Variants in ZBTB20 observed in about 807,000 individuals in gnomAD.
ZBTB20 encodes the protein zinc finger and BTB domain-containing protein 20.
In ZBTB20, 9 loss-of-function variants were observed where a neutral mutation model predicts 56.9. The observed-to-expected ratio is 0.16, with a 90% confidence interval of 0.10 to 0.28. The LOEUF (loss-of-function observed/expected upper bound fraction) is 0.28. Ranked by LOEUF, ZBTB20 falls within the 10% of genes least tolerant of loss-of-function variation. ZBTB20 has a pLI of 1.00. For missense variants in ZBTB20, 655 were observed against 1,003.0 expected (o/e 0.65, Z 4.69); for synonymous variants, 417 against 420.7 (o/e 0.99, Z 0.11).
intron 10 of ZBTB20, among the ~76,000 whole-genome samples, chr3:114,370,455 G>A (rs1045954613): frequency 6.6e-6 from 1 of 152,022 alleles, no homozygotes; most frequent in South Asian, 2.1e-4. Flanking sequence ...TCTCTCCCTC[G>A]TTGGTGTCTG....
chr3:114,594,291 A>T (rs1244077269), intron 6 of ZBTB20, among the ~76,000 whole-genome samples: 2 of 139,918 alleles, frequency 1.4e-5, no homozygotes, highest in African/African-American at 5.4e-5. Flanking sequence ...TTTTTGAGAT[A>T]GAGTCTTGCT....
chr3:114,419,130 T>G (rs1194868689), intron 7 of ZBTB20: 1 of 152,146 alleles, frequency 6.6e-6, no homozygotes, highest in Admixed American at 6.6e-5. Flanking sequence ...ATCCATTGTG[T>G]AATGTTGTCC....
intron 1 of ZBTB20, among the ~76,000 whole-genome samples, 199 bp downstream of exon 1, chr3:115,147,020 G>A (rs2085017185): frequency 1.3e-5 from 2 of 149,420 alleles, no homozygotes; most frequent in African/African-American, 2.4e-5. Flanking sequence ...GGGCGCGGGG[G>A]CGCGCGCGCT....
intron 2 of ZBTB20, among the ~76,000 whole-genome samples, chr3:115,026,209 G>A (rs1309527632): frequency 4.0e-5 from 6 of 150,932 alleles, no homozygotes; most frequent in Non-Finnish European, 8.9e-5. Context: ...GGTCCATTTT[G>A]ACTAGGATTA....
chr3:114,902,381 T>C (rs1388992488), intron 3 of ZBTB20, among the ~76,000 whole-genome samples: 1 of 152,168 alleles, frequency 6.6e-6, no homozygotes, highest in Non-Finnish European at 1.5e-5. Context: ...AGGACACACC[T>C]TACCCTCATT....
chr3:114,453,532 C>A (rs192633617), intron 7 of ZBTB20: 1 of 152,168 alleles, frequency 6.6e-6, no homozygotes, highest in Non-Finnish European at 1.5e-5. Flanking sequence ...ATGTTCTAGT[C>A]ACCAAATTGA....
chr3:114,794,207 T>C (rs1394183490), intron 5 of ZBTB20, among the ~76,000 whole-genome samples: 3 of 152,098 alleles, frequency 2.0e-5, no homozygotes, highest in Non-Finnish European at 4.4e-5. Flanking sequence ...TTGCTGAGTG[T>C]GGTAGCAAGG....
intron 6 of ZBTB20, among the ~76,000 whole-genome samples, chr3:114,645,671 T>C (rs550670647): frequency 6.6e-6 from 1 of 152,342 alleles, no homozygotes; most frequent in South Asian, 2.1e-4. Context: ...GGAGATGTAA[T>C]GTGACTCCTT....
chr3:114,868,850 T>G (rs2075876080), intron 4 of ZBTB20, among the ~76,000 whole-genome samples: 1 of 152,166 alleles, frequency 6.6e-6, no homozygotes, highest in South Asian at 2.1e-4. Flanking sequence ...ATAACAATAC[T>G]GTGCAGGTGG....
intron 7 of ZBTB20, among the ~76,000 whole-genome samples, chr3:114,404,795 T>A (rs928029196): frequency 3.9e-5 from 6 of 152,132 alleles, no homozygotes; most frequent in African/African-American, 1.2e-4. Flanking sequence ...CTCGCTCTTT[T>A]CCATCTGTGC....
At chr3:114,617,281 G>A (rs1019016984) in intron 6 of ZBTB20, among the ~76,000 whole-genome samples, 1 of 152,286 alleles carries the variant, frequency 6.6e-6, no homozygotes, top group South Asian at 2.1e-4. Flanking sequence ...ACACATAAGT[G>A]ATAGTGTTCC....
chr3:114,537,013 T>A (rs1316320971), intron 6 of ZBTB20, among the ~76,000 whole-genome samples: 1 of 152,152 alleles, frequency 6.6e-6, no homozygotes, highest in African/African-American at 2.4e-5. Context: ...GACCTAAATG[T>A]AAGACCTCAA....
intron 6 of ZBTB20, among the ~76,000 whole-genome samples, chr3:114,529,941 T>C (rs766942629): frequency 3.3e-5 from 5 of 152,264 alleles, no homozygotes; most frequent in Non-Finnish European, 5.9e-5. Context: ...TTCACAATTA[T>C]GTGAAAACAC....
intron 3 of ZBTB20, among the ~76,000 whole-genome samples, chr3:114,966,883 G>A (rs183684331): frequency 6.6e-6 from 1 of 151,952 alleles, no homozygotes; most frequent in Non-Finnish European, 1.5e-5. Context: ...AAACATACTG[G>A]GAAAACATTT....
intron 5 of ZBTB20, among the ~76,000 whole-genome samples, chr3:114,754,788 A>C (rs1179722702): frequency 6.6e-6 from 1 of 152,180 alleles, no homozygotes; most frequent in Non-Finnish European, 1.5e-5. Flanking sequence ...GTTCAAACAA[A>C]TTCAGAGTTT....
At position 114,974,957 on chromosome 3, in the gene ZBTB20, A is replaced by G. The variant is rs570607348; in HGVS notation, c.-506-541T>C. Among the ~76,000 whole-genome samples the G allele has an allele frequency of 1.7e-3, 264 of 152,308 alleles. 1 individual carries two copies. The highest frequency in any genetic ancestry group is 6.8e-3 in the South Asian group (33 of 4,830). On this transcript the variant is annotated intron_variant, in intron 2 of 11. Transcript: ENST00000675478. ...AATGGGTGGAAAGAAATAAAGATGC[A>G]AAGGGTAACATGTTCAGTACAGCTT...
At chr3:114,402,675 G>A (rs2086927123) in intron 7 of ZBTB20, among the ~76,000 whole-genome samples, 1 of 152,158 alleles carries the variant, frequency 6.6e-6, no homozygotes, top group South Asian at 2.1e-4. Context: ...CTTATTTCAT[G>A]TGCTTTGTGA....
Position 114,724,035 on chromosome 3 carries a change from A to ATT in ZBTB20, c.-342-30462_-342-30461dup, listed in dbSNP as rs549602267. Among the ~76,000 whole-genome samples, 1,118 of 146,384 alleles carry ATT rather than the reference A, an allele frequency of 7.6e-3. 10 individuals are homozygous for ATT. The highest frequency in any genetic ancestry group is 0.013 in the Non-Finnish European group (833 of 66,020). ...AGGCGCCCACCACCGAGCCCGGCTA[A>ATT]TTTTTTTTTTTGTATTTTTAGTAGA... On this transcript the variant is annotated intron_variant, in intron 5 of 11. Transcript: ENST00000675478.
At chr3:114,549,532 C>T (rs2050296982) in intron 6 of ZBTB20, among the ~76,000 whole-genome samples, 1 of 152,160 alleles carries the variant, frequency 6.6e-6, no homozygotes, top group Admixed American at 6.5e-5. Context: ...TCATTCTCTA[C>T]TAGCATCAAT....
Sources: allele counts gnomAD v4.1 joint callset (sites outside exome capture counted in the v4.1 genomes callset), GRCh38; gene constraint gnomAD v4.1.1; transcripts MANE v1.5; gene names NCBI Gene and HGNC (gene_info 2026-07-23, HGNC 2026-07-21).